AFG2A: variants seen among roughly 807,000 people sequenced by gnomAD.
The protein encoded by AFG2A is ATPase family gene 2 protein homolog A.
At chr4:123,014,459 A>C in the AFG2A span, among the ~76,000 whole-genome samples, 1 of 152,078 alleles carries the variant, frequency 6.6e-6, no homozygotes, top group Non-Finnish European at 1.5e-5. Context: ...CTCATTGTGT[A>C]AATGGTTAAC....
At chr4:123,214,983 T>G in the AFG2A span, among the ~76,000 whole-genome samples, 1 of 152,080 alleles carries the variant, frequency 6.6e-6, no homozygotes, top group Non-Finnish European at 1.5e-5. Flanking sequence ...TTTTGATGTG[T>G]GTAGGGTTTG....
chr4:123,071,935 A>G, the AFG2A span, among the ~76,000 whole-genome samples: 1 of 152,212 alleles, frequency 6.6e-6, no homozygotes, highest in Non-Finnish European at 1.5e-5. Context: ...GCTTCCTTTC[A>G]ACTGTAATAA....
the AFG2A span, among the ~76,000 whole-genome samples, chr4:123,177,655 A>T: frequency 6.6e-6 from 1 of 152,300 alleles, no homozygotes; most frequent in East Asian, 1.9e-4. Flanking sequence ...TTCGATATTA[A>T]CAGCATAGAT....
the AFG2A span, among the ~76,000 whole-genome samples, chr4:122,924,140 G>A: frequency 6.6e-6 from 1 of 152,162 alleles, no homozygotes; most frequent in Non-Finnish European, 1.5e-5. Flanking sequence ...TCTGCCTTAG[G>A]TATCAGAGGA....
At chr4:123,132,172 A>T in the AFG2A span, among the ~76,000 whole-genome samples, 1 of 152,182 alleles carries the variant, frequency 6.6e-6, no homozygotes, top group Non-Finnish European at 1.5e-5. Flanking sequence ...TGATGTTTAT[A>T]TACACAGACA....
the AFG2A span, among the ~76,000 whole-genome samples, chr4:122,988,306 G>A: frequency 2.0e-5 from 3 of 148,050 alleles, no homozygotes; most frequent in African/African-American, 7.4e-5. Flanking sequence ...TATGGATTTA[G>A]ATTTGAATCC....
chr4:123,275,595 A>G, the AFG2A span, among the ~76,000 whole-genome samples: 1 of 152,074 alleles, frequency 6.6e-6, no homozygotes, highest in Admixed American at 6.6e-5. Context: ...TTCATCATGC[A>G]GGTAATAATC....
chr4:123,166,833 A>T, the AFG2A span, among the ~76,000 whole-genome samples: 40 of 152,190 alleles, frequency 2.6e-4, no homozygotes, highest in Non-Finnish European at 4.7e-4. Flanking sequence ...TCACTTTCTC[A>T]TAGTCCAGCT....
chr4:123,284,726 T>C, the AFG2A span, among the ~76,000 whole-genome samples: 1 of 152,158 alleles, frequency 6.6e-6, no homozygotes, highest in African/African-American at 2.4e-5. Flanking sequence ...TATGTTATAG[T>C]TGCAATTGTT....
the AFG2A span, among the ~76,000 whole-genome samples, chr4:122,942,436 A>G: frequency 2.6e-5 from 4 of 151,444 alleles, no homozygotes; most frequent in African/African-American, 9.8e-5. Flanking sequence ...TGTTTGTAGT[A>G]TTCTCTGATG....
At chr4:123,071,572 T>A in the AFG2A span, among the ~76,000 whole-genome samples, 1 of 152,154 alleles carries the variant, frequency 6.6e-6, no homozygotes, top group Non-Finnish European at 1.5e-5. Context: ...TCTGTGTTAG[T>A]GTGGAATTTT....
chr4:123,006,945 TTTC>T, the AFG2A span, among the ~76,000 whole-genome samples: 7 of 151,642 alleles, frequency 4.6e-5, no homozygotes, highest in African/African-American at 1.7e-4. Flanking sequence ...TCTCTTTTTT[TTTC>T]TTTCTTCTCT....
chr4:123,163,862 C>T, the AFG2A span, among the ~76,000 whole-genome samples: 2 of 152,118 alleles, frequency 1.3e-5, no homozygotes, highest in Non-Finnish European at 2.9e-5. Context: ...TCCAGGCACA[C>T]TTACTGTAAT....
chr4:123,230,054 T>A, the AFG2A span, among the ~76,000 whole-genome samples: 1 of 152,000 alleles, frequency 6.6e-6, no homozygotes, highest in Non-Finnish European at 1.5e-5. Context: ...CTGGTGGGTC[T>A]TGCCTCCATA....
the AFG2A span, among the ~76,000 whole-genome samples, chr4:123,213,382 A>G: frequency 6.6e-6 from 1 of 152,134 alleles, no homozygotes; most frequent in African/African-American, 2.4e-5. Flanking sequence ...AACAACAACA[A>G]AAATCTTATA....
At chr4:123,309,354 C>T in the AFG2A span, among the ~76,000 whole-genome samples, 1 of 152,300 alleles carries the variant, frequency 6.6e-6, no homozygotes, top group South Asian at 2.1e-4. Context: ...GACATACCTT[C>T]TAGCTGTGTC....
At chr4:123,209,809 C>T in the AFG2A span, among the ~76,000 whole-genome samples, 2 of 151,980 alleles carry the variant, frequency 1.3e-5, no homozygotes, top group Non-Finnish European at 2.9e-5. Context: ...ATTCCCTCTC[C>T]CTCCCTGCCC....
the AFG2A span, among the ~76,000 whole-genome samples, chr4:122,977,619 G>A: frequency 6.6e-6 from 1 of 152,338 alleles, no homozygotes; most frequent in Non-Finnish European, 1.5e-5. Context: ...TCTTCTCATT[G>A]CCCAAAATGT....
the AFG2A span, among the ~76,000 whole-genome samples, chr4:123,158,066 T>C: frequency 0.05 from 7,642 of 152,240 alleles, 606 homozygotes; most frequent in African/African-American, 0.17. Flanking sequence ...AACCTCTCAC[T>C]GTGGCATTAC....
Sources: allele counts gnomAD v4.1 joint callset (sites outside exome capture counted in the v4.1 genomes callset), GRCh38; gene constraint gnomAD v4.1.1; transcripts MANE v1.5; gene names NCBI Gene and HGNC (gene_info 2026-07-23, HGNC 2026-07-21).